Variants in ASAP1 observed in about 807,000 individuals in gnomAD.
The protein encoded by ASAP1 is arf-GAP with SH3 domain, ANK repeat and PH domain-containing protein 1.
Under a neutral mutation model 145.2 loss-of-function variants are expected in ASAP1, and 43 were observed. The ratio of observed to expected loss-of-function variants is 0.30; its 90% CI spans 0.23 to 0.38. The LOEUF is 0.38. ASAP1 is among the 10% of genes least tolerant of loss of function. The pLI is 1.00. For missense variants in ASAP1, 1,018 were observed against 1,355.3 expected, an observed-to-expected ratio of 0.75 and a Z score of 3.91; for synonymous variants, 546 against 515.5, an observed-to-expected ratio of 1.06 and a Z score of -0.80.
intron 2 of ASAP1, among the ~76,000 whole-genome samples, chr8:130,361,449 C>T (rs1470665419): frequency 6.6e-6 from 1 of 152,244 alleles, no homozygotes; most frequent in African/African-American, 2.4e-5. Context: ...TGGTAGACAG[C>T]TGGGGATTTC....
At chr8:130,188,087 A>C in intron 6 of ASAP1, 22 bp downstream of exon 6, 1 of 1,573,556 alleles carries the variant, frequency 6.4e-7, no homozygotes, top group Non-Finnish European at 8.7e-7. Context: ...TTAAAGTGAA[A>C]ATCAAATTTC....
Position 130,136,952 on chromosome 8 carries a change from T to A in ASAP1, c.1167A>T (p.Ser389=), listed in dbSNP as rs758400587. ...AEDKKSFDLI[S]HNRTYHFQAE... is the part of the protein sequence containing the mutation. The stretch of plus-strand genomic sequence containing the variant: ...CTCAGAGAGAGAAAAAGGACTCACG[T>A]GATATCAGGTCAAAAGATTTTTTGT... The change falls in exon 14 of 30, where the codon TCA becomes TCT. Residue 389 remains serine (S), a splice_region_variant and synonymous_variant. Transcript: ENST00000518721. The A allele has an allele frequency of 3.7e-6, 6 of 1,613,752 alleles. No homozygotes were observed. The highest frequency in any genetic ancestry group is 5.1e-6 in the Non-Finnish European group (6 of 1,179,750).
chr8:130,406,917 C>T (rs577018742), intron 1 of ASAP1, among the ~76,000 whole-genome samples: 1 of 152,292 alleles, frequency 6.6e-6, no homozygotes, highest in East Asian at 1.9e-4. Context: ...CCCAACTTGT[C>T]CAGTCCGAGC....
chr8:130,072,464 C>T (rs1288335547), intron 27 of ASAP1, among the ~76,000 whole-genome samples: 8 of 152,100 alleles, frequency 5.3e-5, no homozygotes, highest in Admixed American at 2.0e-4. Flanking sequence ...ACGTGCCTTT[C>T]GCCTTCTGCC....
intron 2 of ASAP1, among the ~76,000 whole-genome samples, chr8:130,385,845 C>A (rs2138432180): frequency 6.6e-6 from 1 of 152,310 alleles, no homozygotes; most frequent in East Asian, 1.9e-4. Flanking sequence ...AGTACTCCTG[C>A]CGGTGAATGC....
intron 1 of ASAP1, among the ~76,000 whole-genome samples, chr8:130,437,172 G>A (rs1161843549): frequency 6.6e-6 from 1 of 151,798 alleles, no homozygotes; most frequent in Non-Finnish European, 1.5e-5. Flanking sequence ...TGGTAACACA[G>A]CTAAGCAGCT....
chr8:130,195,715 G>A (rs1042948356), intron 5 of ASAP1, among the ~76,000 whole-genome samples: 1 of 152,146 alleles, frequency 6.6e-6, no homozygotes, highest in Non-Finnish European at 1.5e-5. Flanking sequence ...TATGCAAAAG[G>A]GGCTTAAGGA....
intron 27 of ASAP1, among the ~76,000 whole-genome samples, chr8:130,065,238 G>C (rs1180606234): frequency 2.0e-5 from 3 of 152,188 alleles, no homozygotes; most frequent in Admixed American, 1.3e-4. Context: ...CAGACACACA[G>C]GGCGGGGTCT....
At chr8:130,290,465 T>C (rs1821878475) in intron 3 of ASAP1, among the ~76,000 whole-genome samples, 1 of 152,226 alleles carries the variant, frequency 6.6e-6, no homozygotes, top group South Asian at 2.1e-4. Context: ...AAGATTCCTC[T>C]TTTCTAACTG....
Position 130,136,958 on chromosome 8 carries a change from C to A in ASAP1, c.1161G>T (p.Leu387=), listed in dbSNP as rs148035395. Residue 387 remains leucine, a synonymous_variant, in exon 14 of 30, where the codon CTG becomes CTT. Coordinates refer to ENST00000518721, the MANE Select transcript of ASAP1 (RefSeq NM_018482.4). ...GAGAGAAAAAGGACTCACGTGATAT[C>A]AGGTCAAAAGATTTTTTGTCTTCGG... ...PNAEDKKSFD[L]ISHNRTYHFQ... The A allele has an allele frequency of 1.2e-6, 2 of 1,614,058 alleles. No individual in the cohort carries two copies. The highest frequency in any genetic ancestry group is 1.7e-6 in the Non-Finnish European group (2 of 1,179,892).
At chr8:130,326,016 A>G (rs988258848) in intron 3 of ASAP1, among the ~76,000 whole-genome samples, 2 of 152,250 alleles carry the variant, frequency 1.3e-5, no homozygotes, top group Non-Finnish European at 2.9e-5. Context: ...AGAAAATTTA[A>G]GTAAACTGCC....
At chr8:130,262,419 AGAGAGAGAGAGAGAG>A (rs1819981283) in intron 3 of ASAP1, among the ~76,000 whole-genome samples, 3 of 29,538 alleles carry the variant, frequency 1.0e-4, no homozygotes, top group African/African-American at 3.5e-4. Flanking sequence ...AAAAAAAAAG[AGAGAGAGAGAGAGAG>A]AGAGAGAGAG....
intron 3 of ASAP1, among the ~76,000 whole-genome samples, chr8:130,304,948 C>A (rs1822901608): frequency 6.6e-6 from 1 of 152,204 alleles, no homozygotes; most frequent in South Asian, 2.1e-4. Context: ...GCAGGCCATG[C>A]ATAATCTGGC....
chr8:130,122,091 G>A (rs2097567183), intron 18 of ASAP1, among the ~76,000 whole-genome samples: 1 of 151,916 alleles, frequency 6.6e-6, no homozygotes, highest in African/African-American at 2.4e-5. Context: ...GTGCCTTCAT[G>A]CCCCTCAATT....
chr8:130,346,514 C>T (rs901776028), intron 3 of ASAP1, among the ~76,000 whole-genome samples: 3 of 151,890 alleles, frequency 2.0e-5, no homozygotes, highest in African/African-American at 7.3e-5. Flanking sequence ...CTTTCTAAAC[C>T]TAGTTCATCA....
In ASAP1 at chr8:130,060,605, C is replaced by A; in HGVS notation, c.3166G>T (p.Val1056Leu). Reference sequence around the variant, plus strand: ...GTATTGATTTTTCTGGGCAGTGGTACGGGCGTCTCTGGCAGAGTAGGCGTG... The same window carrying A: ...GTATTGATTTTTCTGGGCAGTGGTAAGGGCGTCTCTGGCAGAGTAGGCGTG... ...DLTPTLPETP[V>L]PLPRKINTGK... is the part of the protein sequence containing the mutation. Residue 1056 changes from valine to leucine, a missense_variant, in exon 28 of 30, where the codon GTA (valine) becomes TTA (leucine). By Grantham distance (32) the Val-to-Leu change is conservative (BLOSUM62 1). Transcript: ENST00000518721. 1 of 1,613,232 alleles carries A rather than the reference C, an allele frequency of 6.2e-7. No individual in the cohort carries two copies. The highest frequency in any genetic ancestry group is 8.5e-7 in the Non-Finnish European group (1 of 1,179,562).
intron 28 of ASAP1, among the ~76,000 whole-genome samples, chr8:130,060,140 G>A (rs907847233): frequency 9.3e-5 from 14 of 150,850 alleles, no homozygotes; most frequent in African/African-American, 3.4e-4. Context: ...AACCCCGAGA[G>A]GGAAATTGGT....
intron 14 of ASAP1, among the ~76,000 whole-genome samples, chr8:130,134,707 T>C (rs1215691910): frequency 6.6e-6 from 1 of 152,252 alleles, no homozygotes; most frequent in Non-Finnish European, 1.5e-5. Flanking sequence ...GCACTGCTTT[T>C]GAATAAACAG....
chr8:130,268,536 A>G (rs367621066), intron 3 of ASAP1, among the ~76,000 whole-genome samples: 1 of 112,368 alleles, frequency 8.9e-6, no homozygotes, highest in Non-Finnish European at 1.9e-5. Flanking sequence ...CACACACACA[A>G]CTGTGTAACT....
Sources: allele counts gnomAD v4.1 joint callset (sites outside exome capture counted in the v4.1 genomes callset), GRCh38; gene constraint gnomAD v4.1.1; transcripts MANE v1.5; gene names NCBI Gene and HGNC (gene_info 2026-07-23, HGNC 2026-07-21).